Variants in EYA4 observed in about 807,000 individuals in gnomAD.
EYA4 encodes the protein protein phosphatase EYA4.
EYA4 carries 31 observed loss-of-function variants against 87.9 expected under a neutral mutation model. The observed-to-expected ratio is 0.35, with a 90% CI of 0.27 to 0.48. The LOEUF is 0.48. Among genes scored for constraint, EYA4 ranks in the 20% least tolerant of loss-of-function variants. The pLI is 0.99. For missense variants in EYA4, 678 were observed against 761.4 expected, an observed-to-expected ratio of 0.89 and a Z score of 1.29; for synonymous variants, 263 against 270.6, an observed-to-expected ratio of 0.97 and a Z score of 0.28.
chr6:133,481,934 G>A (rs182655307), intron 12 of EYA4, among the ~76,000 whole-genome samples: 8 of 152,246 alleles, frequency 5.3e-5, no homozygotes, highest in East Asian at 3.9e-4. Context: ...CACTGTATTC[G>A]ATAGCACTAA....
intron 2 of EYA4, among the ~76,000 whole-genome samples, chr6:133,288,392 A>G (rs1289541336): frequency 6.6e-6 from 1 of 152,224 alleles, no homozygotes; most frequent in Non-Finnish European, 1.5e-5. Flanking sequence ...TAAACCAAAT[A>G]GAGTTAGTAG....
At chr6:133,423,051 G>T in intron 3 of EYA4, among the ~76,000 whole-genome samples, 1 of 152,062 alleles carries the variant, frequency 6.6e-6, no homozygotes. Context: ...TGGAGGGTGA[G>T]TGGCTAGATA....
intron 1 of EYA4, among the ~76,000 whole-genome samples, chr6:133,255,109 A>G (rs1483271320): frequency 6.6e-6 from 1 of 152,218 alleles, no homozygotes; most frequent in African/African-American, 2.4e-5. Flanking sequence ...AATTGAATTC[A>G]TGCAGGAAAG....
At chr6:133,490,053 T>C (rs1276310420) in intron 13 of EYA4, among the ~76,000 whole-genome samples, 1 of 152,226 alleles carries the variant, frequency 6.6e-6, no homozygotes, top group Non-Finnish European at 1.5e-5. Flanking sequence ...TAGTTTTCTC[T>C]TTGCTGGTTT....
At chr6:133,338,190 C>G (rs747008438) in intron 2 of EYA4, among the ~76,000 whole-genome samples, 2 of 151,758 alleles carry the variant, frequency 1.3e-5, no homozygotes, top group African/African-American at 2.4e-5. Context: ...ATATTTCTAC[C>G]GCAAGTAATA....
At chr6:133,307,945 G>A (rs1187890595) in intron 2 of EYA4, among the ~76,000 whole-genome samples, 1 of 152,086 alleles carries the variant, frequency 6.6e-6, no homozygotes. Flanking sequence ...AATCATGGGG[G>A]TGGGTTTTTC....
intron 2 of EYA4, among the ~76,000 whole-genome samples, chr6:133,345,998 T>A (rs1783164148): frequency 6.6e-6 from 1 of 152,158 alleles, no homozygotes. Context: ...ATCATGAAAG[T>A]CTACACTCCA....
chr6:133,249,478 C>T (rs1391477219), intron 1 of EYA4, among the ~76,000 whole-genome samples: 4 of 152,104 alleles, frequency 2.6e-5, no homozygotes, highest in African/African-American at 9.7e-5. Context: ...AAAAAATTTG[C>T]CTGCTGCCTA....
At chr6:133,464,640 G>A (rs879686048) in intron 9 of EYA4, 139 bp from the exon 10 acceptor site, 2 of 674,300 alleles carry the variant, frequency 3.0e-6, no homozygotes, top group Non-Finnish European at 2.7e-6. Flanking sequence ...CCTATTTTCT[G>A]TATAAATGTC....
At chr6:133,463,837 A>C (rs1378296890) in intron 9 of EYA4, among the ~76,000 whole-genome samples, 2 of 152,302 alleles carry the variant, frequency 1.3e-5, no homozygotes, top group East Asian at 3.9e-4. Context: ...TGAAATAATT[A>C]CTTAGATATG....
chr6:133,241,354 C>A (rs1000319338), upstream of EYA4: 2 of 152,176 alleles, frequency 1.3e-5, no homozygotes, highest in Non-Finnish European at 2.9e-5. Flanking sequence ...TCCCGGCTTC[C>A]GCGCAAAACT....
chr6:133,516,385 C>CA (rs1029364438), intron 17 of EYA4, among the ~76,000 whole-genome samples: 57 of 148,926 alleles, frequency 3.8e-4, no homozygotes, highest in African/African-American at 1.2e-3. Context: ...AAATAAAAGT[C>CA]AAAAAAAAAG....
At chr6:133,489,120 G>A (rs2128723734) in intron 13 of EYA4, among the ~76,000 whole-genome samples, 1 of 152,306 alleles carries the variant, frequency 6.6e-6, no homozygotes, top group Non-Finnish European at 1.5e-5. Flanking sequence ...ATTGAAGAAT[G>A]CATGAGTCTC....
At chr6:133,354,429 G>A (rs1265392664) in intron 2 of EYA4, among the ~76,000 whole-genome samples, 1 of 152,118 alleles carries the variant, frequency 6.6e-6, no homozygotes, top group Non-Finnish European at 1.5e-5. Flanking sequence ...AGAGGAAGAA[G>A]ATAAAGACTA....
chr6:133,380,905 C>T (rs967205289), intron 2 of EYA4, among the ~76,000 whole-genome samples: 5 of 144,244 alleles, frequency 3.5e-5, no homozygotes, highest in South Asian at 4.6e-4. Flanking sequence ...CCTCCCCTCC[C>T]GTTACTTCCT....
rs540648011 is a variant in EYA4, at chr6:133,463,553, G to C, written c.724+789G>C. Among the ~76,000 whole-genome samples the C allele has an allele frequency of 2.8e-4, 43 of 151,776 alleles. 1 individual carries two copies. Among genetic ancestry groups the C allele is most frequent in the Non-Finnish European group, 5.7e-4 (39 of 67,934 alleles). ...TTTTTGTATTTTTAGTAGTGACGGG[G>C]TTTCACCATGTTGATCAGGCTGGTC... On this transcript the variant is annotated intron_variant, in intron 9 of 19. Transcript: ENST00000355286.
At chr6:133,311,580 A>G (rs1780221089) in intron 2 of EYA4, among the ~76,000 whole-genome samples, 1 of 152,058 alleles carries the variant, frequency 6.6e-6, no homozygotes, top group Admixed American at 6.6e-5. Flanking sequence ...CAGCCTCCCA[A>G]AATGCTGAGA....
chr6:133,518,418 C>G (rs1799794430), intron 17 of EYA4, among the ~76,000 whole-genome samples: 1 of 152,048 alleles, frequency 6.6e-6, no homozygotes, highest in South Asian at 2.1e-4. Flanking sequence ...CATATTGATA[C>G]AATTGCAGTT....
Position 133,278,105 on chromosome 6 carries a change from GT to G in EYA4, c.33+3303del, listed in dbSNP as rs201319102. 1.3e-3 allele frequency among the ~76,000 whole-genome samples: 189 copies of G among 146,702 alleles called. 1 individual carries two copies. Among genetic ancestry groups the G allele is most frequent in the African/African-American group, 3.8e-3 (155 of 40,334 alleles). ...AGCTTAATGCTTATGTATTTCTTCAGTTTTTTTTTTTCTGGTTTCTGTCAGT... is the reference window on the plus strand; with the variant it reads ...AGCTTAATGCTTATGTATTTCTTCAGTTTTTTTTTTCTGGTTTCTGTCAGT... On this transcript the variant is annotated intron_variant, in intron 2 of 19. Transcript: ENST00000355286.
Sources: gnomAD v4.1 joint callset for allele counts (sites outside exome capture counted in the v4.1 genomes callset) on GRCh38, gnomAD v4.1.1 for gene constraint, MANE v1.5 for transcripts, NCBI Gene and HGNC (gene_info 2026-07-23, HGNC 2026-07-21) for gene names.